Variants in LRBA observed in about 807,000 individuals in gnomAD.
LRBA encodes the protein LPS responsive beige-like anchor protein, also known as lipopolysaccharide-responsive and beige-like anchor protein.
Under a neutral mutation model 330.0 loss-of-function variants are expected in LRBA, and 176 were observed. The observed-to-expected ratio is 0.53, with a 90% CI of 0.47 to 0.60. The LOEUF is 0.60. LRBA is among the 20% of genes least tolerant of loss of function. LRBA has a pLI of 0.00. For synonymous variants in LRBA, 1,230 were observed against 1,193.0 expected (o/e 1.03, Z -0.64); for missense variants, 3,259 against 3,444.8 (o/e 0.95, Z 1.35).
intron 47 of LRBA, among the ~76,000 whole-genome samples, chr4:150,372,221 A>C (rs1740432812): frequency 6.6e-6 from 1 of 152,192 alleles, no homozygotes; most frequent in Admixed American, 6.5e-5. Context: ...TACTGTGATA[A>C]TTTCTATAAA....
rs1327362388 is a variant in LRBA, at chr4:150,675,144, G to A, written c.5921+8407C>T. ...CAGCCCAGGAGGTTGATGCTACAGT[G>A]AGCTGTGATCTGCACTCCAGTCTGG... On this transcript the variant is annotated intron_variant, in intron 37 of 56. Transcript: ENST00000651943. Among the ~76,000 whole-genome samples, 4 of 152,074 alleles carry A rather than the reference G, an allele frequency of 2.6e-5. No homozygotes were observed. The South Asian group carries it at 8.3e-4, about 31-fold the overall frequency.
intron 2 of LRBA, among the ~76,000 whole-genome samples, chr4:150,949,568 T>C (rs1254495314): frequency 6.6e-6 from 1 of 152,126 alleles, no homozygotes; most frequent in Non-Finnish European, 1.5e-5. Flanking sequence ...CTCTGCATTA[T>C]GTCTTCAACT....
intron 37 of LRBA, among the ~76,000 whole-genome samples, chr4:150,635,627 T>C (rs947349426): frequency 4.6e-5 from 7 of 152,182 alleles, no homozygotes; most frequent in Non-Finnish European, 1.0e-4. Flanking sequence ...ATGTTTCAAA[T>C]TTGTAGAAAA....
At chr4:150,676,997 C>T (rs1025145107) in intron 37 of LRBA, among the ~76,000 whole-genome samples, 1 of 152,160 alleles carries the variant, frequency 6.6e-6, no homozygotes, top group African/African-American at 2.4e-5. Context: ...TCTTATCCTT[C>T]ATAGTTTACA....
At position 150,406,154 on chromosome 4, in the gene LRBA, A is replaced by C. The variant is rs547187779; in HGVS notation, c.7194+9284T>G. Among the ~76,000 whole-genome samples, 5 of 152,268 alleles carry C rather than the reference A, an allele frequency of 3.3e-5. No homozygotes were observed. The South Asian group carries it at 6.2e-4, about 19-fold the overall frequency. On this transcript the variant is annotated intron_variant, in intron 47 of 56. Coordinates refer to ENST00000651943, the MANE Select transcript of LRBA (RefSeq NM_001364905.1). The stretch of plus-strand genomic sequence containing the variant: ...AATTTAATGAAAATAGTAGACCAGA[A>C]ATATTATTTAATACAACAAAGATGA...
intron 37 of LRBA, among the ~76,000 whole-genome samples, chr4:150,619,819 A>T (rs922194004): frequency 5.3e-5 from 8 of 152,124 alleles, no homozygotes; most frequent in African/African-American, 1.9e-4. Context: ...CCCTACTCTG[A>T]TCATTCTTTC....
At chr4:150,432,464 T>C (rs1396041913) in intron 46 of LRBA, among the ~76,000 whole-genome samples, 1 of 83,932 alleles carries the variant, frequency 1.2e-5, no homozygotes, top group African/African-American at 3.1e-5. Context: ...TTTTTTTTTT[T>C]TTTTTTTTTT....
intron 4 of LRBA, among the ~76,000 whole-genome samples, chr4:150,923,365 C>T (rs1322261716): frequency 6.6e-6 from 1 of 152,046 alleles, no homozygotes; most frequent in African/African-American, 2.4e-5. Context: ...AAAAGCTATT[C>T]CTTATGCTTA....
At chr4:150,725,317 T>C (rs1729527325) in intron 36 of LRBA, among the ~76,000 whole-genome samples, 1 of 151,864 alleles carries the variant, frequency 6.6e-6, no homozygotes, top group Non-Finnish European at 1.5e-5. Flanking sequence ...AGGTCAAGAA[T>C]AAAGAAAGGA....
At chr4:150,376,870 G>A (rs1232080758) in intron 47 of LRBA, among the ~76,000 whole-genome samples, 1 of 151,954 alleles carries the variant, frequency 6.6e-6, no homozygotes, top group Non-Finnish European at 1.5e-5. Context: ...AAGTAGATGA[G>A]ACCTTGGCTC....
At chr4:150,947,082 A>C (rs1736327705) in intron 2 of LRBA, among the ~76,000 whole-genome samples, 1 of 152,002 alleles carries the variant, frequency 6.6e-6, no homozygotes, top group Non-Finnish European at 1.5e-5. Context: ...TCATAATTTT[A>C]AAATTCAAAA....
At chr4:150,449,480 C>G (rs1753079710) in intron 44 of LRBA, among the ~76,000 whole-genome samples, 1 of 148,328 alleles carries the variant, frequency 6.7e-6, no homozygotes, top group Admixed American at 6.8e-5. Context: ...CACCCCACAA[C>G]AAGCCTGGCA....
At chr4:150,596,942 T>G in intron 38 of LRBA, 1 of 455,144 alleles carries the variant, frequency 2.2e-6, no homozygotes, top group Non-Finnish European at 4.1e-6. Context: ...ATATGATATA[T>G]CTCTGAAATT....
intron 15 of LRBA, 131 bp downstream of exon 15, chr4:150,897,608 T>C (rs1447419483): frequency 1.8e-5 from 11 of 623,562 alleles, no homozygotes; most frequent in Non-Finnish European, 3.1e-5. Flanking sequence ...AACATGGAAA[T>C]ATCTTTCAAA....
At chr4:150,393,376 T>G (rs944115440) in intron 47 of LRBA, among the ~76,000 whole-genome samples, 1 of 151,810 alleles carries the variant, frequency 6.6e-6, no homozygotes, top group Admixed American at 6.6e-5. Context: ...AGGTCAGGCA[T>G]TATAATAAAC....
At chr4:150,628,220 G>A (rs563165800) in intron 37 of LRBA, among the ~76,000 whole-genome samples, 1 of 152,230 alleles carries the variant, frequency 6.6e-6, no homozygotes, top group East Asian at 1.9e-4. Context: ...TTCTGCCATT[G>A]TAGAAAGTTT....
At chr4:150,387,079 T>G (rs1743190862) in intron 47 of LRBA, among the ~76,000 whole-genome samples, 1 of 151,870 alleles carries the variant, frequency 6.6e-6, no homozygotes. Flanking sequence ...GAGAAGTGTC[T>G]TTTCAAGTCC....
intron 48 of LRBA, among the ~76,000 whole-genome samples, chr4:150,336,220 T>C (rs1268920445): frequency 2.0e-5 from 3 of 152,218 alleles, no homozygotes; most frequent in African/African-American, 7.2e-5. Context: ...AGGAATATTC[T>C]GTAACCATCT....
At chr4:150,869,143 A>C (rs1579049469) in intron 20 of LRBA, among the ~76,000 whole-genome samples, 1 of 150,172 alleles carries the variant, frequency 6.7e-6, no homozygotes, top group South Asian at 2.2e-4. Context: ...GTGGTCTTGA[A>C]CTCCTGACCT....
Sources: allele counts gnomAD v4.1 joint callset (sites outside exome capture counted in the v4.1 genomes callset), GRCh38; gene constraint gnomAD v4.1.1; transcripts MANE v1.5; gene names NCBI Gene and HGNC (gene_info 2026-07-23, HGNC 2026-07-21).